The following ORC4 variants were observed in gnomAD, a reference collection of about 807,000 sequenced individuals.
The protein encoded by ORC4 is origin recognition complex, subunit 4 homolog.
Under a neutral mutation model 63.9 loss-of-function variants are expected in ORC4, and 55 were observed. The observed-to-expected ratio is 0.86, with a 90% confidence interval of 0.69 to 1.08. The LOEUF (loss-of-function observed/expected upper bound fraction) is 1.08, where lower values mean the gene tolerates loss of function less well. Ranked by LOEUF, ORC4 falls within the 50% of genes least tolerant of loss-of-function variation. The pLI is 0.00. For missense variants in ORC4, 511 were observed against 504.4 expected (o/e 1.01, Z -0.13); for synonymous variants, 150 against 168.5 (o/e 0.89, Z 0.85).
intron 6 of ORC4, among the ~76,000 whole-genome samples, chr2:147,957,732 G>T (rs912617041): frequency 1.2e-4 from 18 of 152,104 alleles, no homozygotes; most frequent in Admixed American, 2.6e-4. Context: ...TAAATGATGT[G>T]TAATGTTTTC....
intron 11 of ORC4, chr2:147,938,774 T>A (rs1332170476): frequency 9.1e-6 from 3 of 330,968 alleles, no homozygotes; most frequent in African/African-American, 6.4e-5. Flanking sequence ...GGAAATTATA[T>A]CCAAATCTGT....
intron 13 of ORC4, among the ~76,000 whole-genome samples, chr2:147,936,071 T>A (rs902802073): frequency 2.0e-5 from 3 of 152,200 alleles, no homozygotes; most frequent in African/African-American, 7.2e-5. Context: ...TTCTGATCAA[T>A]TCCCTAGGCT....
intron 1 of ORC4, among the ~76,000 whole-genome samples, chr2:147,978,495 C>T (rs571362046): frequency 6.6e-6 from 1 of 152,290 alleles, no homozygotes; most frequent in Non-Finnish European, 1.5e-5. Context: ...GTTCAGAAAG[C>T]TTGACCCAGG....
intron 1 of ORC4, among the ~76,000 whole-genome samples, chr2:147,983,802 C>T (rs1008952152): frequency 2.6e-5 from 4 of 152,102 alleles, no homozygotes; most frequent in South Asian, 2.1e-4. Flanking sequence ...ATTGTAGACA[C>T]GGCAAAAAGG....
intron 1 of ORC4, among the ~76,000 whole-genome samples, chr2:148,004,420 G>C (rs967048733): frequency 1.3e-5 from 2 of 152,062 alleles, no homozygotes; most frequent in Admixed American, 1.3e-4. Context: ...CAGATATACA[G>C]ACCAATGGAA....
At chr2:148,010,028 A>T (rs1692854757) in intron 1 of ORC4, among the ~76,000 whole-genome samples, 1 of 152,228 alleles carries the variant, frequency 6.6e-6, no homozygotes. Context: ...ATGGAATAAA[A>T]GTAGAAATAA....
chr2:147,995,882 C>T (rs1691933533), intron 1 of ORC4, among the ~76,000 whole-genome samples: 1 of 152,070 alleles, frequency 6.6e-6, no homozygotes. Context: ...GGAATAAATT[C>T]CAGACACATC....
intron 8 of ORC4, among the ~76,000 whole-genome samples, chr2:147,952,131 C>A (rs927650695): frequency 1.2e-4 from 18 of 152,172 alleles, no homozygotes; most frequent in African/African-American, 4.3e-4. Flanking sequence ...TTAGCATAAT[C>A]TGATTTCATA....
intron 4 of ORC4, among the ~76,000 whole-genome samples, chr2:147,968,204 T>C (rs1015939946): frequency 4.0e-5 from 6 of 151,794 alleles, no homozygotes; most frequent in Non-Finnish European, 5.9e-5. Flanking sequence ...GAAGAAAACA[T>C]AGGGGTAATA....
chr2:148,017,967 A>G (rs1021207600), intron 1 of ORC4, among the ~76,000 whole-genome samples: 15 of 152,338 alleles, frequency 9.8e-5, no homozygotes, highest in African/African-American at 3.6e-4. Context: ...AAGAACAATG[A>G]CAGCCTATAA....
chr2:147,974,805 C>T (rs1690440135), intron 2 of ORC4, among the ~76,000 whole-genome samples: 1 of 127,854 alleles, frequency 7.8e-6, no homozygotes, highest in Admixed American at 8.0e-5. Context: ...CAATCTTTTC[C>T]TTAAAAAAAA....
intron 1 of ORC4, among the ~76,000 whole-genome samples, chr2:147,991,050 CT>C (rs34841947): frequency 0.32 from 42,714 of 133,774 alleles, 5,828 homozygotes; most frequent in East Asian, 0.49. Context: ...ACATATATAT[CT>C]TTTTTTTTTT....
Position 147,952,471 on chromosome 2 carries a change from A to T in ORC4, c.490T>A (p.Phe164Ile). The T allele has an allele frequency of 6.2e-7, 1 of 1,612,106 alleles. No individual in the cohort carries two copies. The highest frequency in any genetic ancestry group is 8.5e-7 in the Non-Finnish European group (1 of 1,178,216). The stretch of plus-strand genomic sequence containing the variant: ...AGTGTTTGGTTTTTATGATGAGCAA[A>T]AAGATCAAATTCATCTAATATGAAG... ...VIFILDEFDLFAHHKNQTLLY... is the reference protein window; with the variant it reads ...VIFILDEFDLIAHHKNQTLLY... Residue 164 changes from phenylalanine to isoleucine, a missense_variant, in exon 8 of 14, where the codon TTT (phenylalanine) becomes ATT (isoleucine). By Grantham distance (21) the Phe-to-Ile change is conservative. Transcript: ENST00000392857.
At chr2:147,939,919 A>C (rs1688266924) in intron 10 of ORC4, among the ~76,000 whole-genome samples, 1 of 152,160 alleles carries the variant, frequency 6.6e-6, no homozygotes, top group African/African-American at 2.4e-5. Flanking sequence ...TTAGCAGATA[A>C]AAATGCATGA....
At chr2:147,962,960 C>A (rs1280128625) in intron 4 of ORC4, among the ~76,000 whole-genome samples, 1 of 152,078 alleles carries the variant, frequency 6.6e-6, no homozygotes, top group Non-Finnish European at 1.5e-5. Flanking sequence ...CTATGGGCCA[C>A]CCATGGTGAA....
chr2:148,004,849 C>T (rs910742354), intron 1 of ORC4, among the ~76,000 whole-genome samples: 5 of 152,106 alleles, frequency 3.3e-5, no homozygotes, highest in African/African-American at 7.2e-5. Context: ...ATCAAAACCA[C>T]AATGAGATAC....
At chr2:148,017,132 T>C (rs1388929489) in intron 1 of ORC4, among the ~76,000 whole-genome samples, 1 of 152,166 alleles carries the variant, frequency 6.6e-6, no homozygotes, top group African/African-American at 2.4e-5. Flanking sequence ...TAGGAACATC[T>C]AGCTCAAAGT....
chr2:148,003,477 T>A (rs1417341083), intron 1 of ORC4, among the ~76,000 whole-genome samples: 1 of 152,190 alleles, frequency 6.6e-6, no homozygotes, highest in Non-Finnish European at 1.5e-5. Flanking sequence ...TCAATAAATG[T>A]AATCCATCAC....
chr2:147,997,060 T>C (rs1255100815), intron 1 of ORC4, among the ~76,000 whole-genome samples: 2 of 152,114 alleles, frequency 1.3e-5, no homozygotes, highest in African/African-American at 2.4e-5. Context: ...TACAATGGAA[T>C]CTTACTCAGC....
Sources: gnomAD v4.1 joint callset for allele counts (sites outside exome capture counted in the v4.1 genomes callset) on GRCh38, gnomAD v4.1.1 for gene constraint, MANE v1.5 for transcripts, NCBI Gene and HGNC (gene_info 2026-07-23, HGNC 2026-07-21) for gene names.